DAPK1: variants seen among roughly 807,000 people sequenced by gnomAD.
DAPK1 encodes death associated protein kinase 1, also known as death-associated protein kinase 1.
Under a neutral mutation model 144.9 loss-of-function variants are expected in DAPK1, and 56 were observed. That is an observed-to-expected ratio of 0.39 (90% confidence interval 0.31 to 0.48). DAPK1 has a LOEUF of 0.48. Among genes scored for constraint, DAPK1 ranks in the 20% least tolerant of loss-of-function variants. The pLI is 0.95. For synonymous variants in DAPK1, 690 were observed against 749.0 expected (o/e 0.92, Z 1.29); for missense variants, 1,454 against 1,875.4 (o/e 0.78, Z 4.15).
intron 2 of DAPK1, among the ~76,000 whole-genome samples, chr9:87,598,708 C>G (rs1260154447): frequency 1.3e-5 from 2 of 152,120 alleles, no homozygotes; most frequent in South Asian, 4.2e-4. Flanking sequence ...GTGAACAGAG[C>G]CTCCCACAAA....
intron 3 of DAPK1, among the ~76,000 whole-genome samples, chr9:87,606,928 T>C (rs969083662): frequency 3.3e-5 from 5 of 151,552 alleles, no homozygotes; most frequent in African/African-American, 1.2e-4. Context: ...GTAGAATGTT[T>C]AGCAGCATCT....
At chr9:87,568,775 A>G (rs972793814) in intron 2 of DAPK1, among the ~76,000 whole-genome samples, 2 of 152,158 alleles carry the variant, frequency 1.3e-5, no homozygotes, top group Admixed American at 6.5e-5. Context: ...TCTGAGCCAT[A>G]TAGTGTTGGG....
chr9:87,668,941 A>C, intron 19 of DAPK1: 1 of 363,414 alleles, frequency 2.8e-6, no homozygotes, highest in Non-Finnish European at 5.0e-6. Flanking sequence ...TCTATAATAA[A>C]CCACTCCCAC....
chr9:87,620,072 G>C (rs558520188), intron 3 of DAPK1, among the ~76,000 whole-genome samples: 1 of 152,156 alleles, frequency 6.6e-6, no homozygotes, highest in African/African-American at 2.4e-5. Context: ...GGCCTCTGGT[G>C]GGGGCAGATC....
intron 2 of DAPK1, 93 bp downstream of exon 2, chr9:87,499,232 C>A: frequency 1.8e-6 from 2 of 1,119,920 alleles, no homozygotes; most frequent in Non-Finnish European, 2.7e-6. Context: ...TTGAATCAGG[C>A]GTCTCCCTCG....
At chr9:87,631,174 T>C (rs1587788975) in intron 3 of DAPK1, among the ~76,000 whole-genome samples, 1 of 152,272 alleles carries the variant, frequency 6.6e-6, no homozygotes, top group Middle Eastern at 3.4e-3. Context: ...GCCTTGAAAT[T>C]GGCCTCATGG....
At chr9:87,678,611 A>G (rs1473148023) in intron 19 of DAPK1, among the ~76,000 whole-genome samples, 1 of 152,246 alleles carries the variant, frequency 6.6e-6, no homozygotes, top group Non-Finnish European at 1.5e-5. Context: ...TATATATTAA[A>G]TACTGCCCCC....
chr9:87,649,535 G>A (rs757460868), intron 15 of DAPK1, among the ~76,000 whole-genome samples: 8 of 152,216 alleles, frequency 5.3e-5, no homozygotes, highest in Non-Finnish European at 1.2e-4. Context: ...TTCAGATAAA[G>A]TCAGCGAGGC....
intron 19 of DAPK1, among the ~76,000 whole-genome samples, chr9:87,669,700 G>C (rs572460928): frequency 2.0e-5 from 3 of 152,072 alleles, no homozygotes; most frequent in East Asian, 3.9e-4. Context: ...AAGTGCTGAG[G>C]TCATAACCTT....
At chr9:87,553,083 A>G (rs1204186222) in intron 2 of DAPK1, among the ~76,000 whole-genome samples, 5 of 151,958 alleles carry the variant, frequency 3.3e-5, no homozygotes, top group Admixed American at 2.0e-4. Flanking sequence ...TTACCTTTCT[A>G]CTTTCTGTCT....
At chr9:87,633,037 A>T in intron 3 of DAPK1, 6 of 981,332 alleles carry the variant, frequency 6.1e-6, no homozygotes, top group Non-Finnish European at 7.3e-6. Context: ...TGTAGGGATG[A>T]AGGAGGATGA....
At position 87,706,519 on chromosome 9, in the gene DAPK1, G is replaced by A; in HGVS notation, c.3448G>A (p.Val1150Met). The A allele has an allele frequency of 6.2e-7, 1 of 1,614,182 alleles. No individual in the cohort carries two copies. The change falls in exon 26 of 26, where the codon GTG (valine) becomes ATG (methionine). Residue 1150 changes from valine (V) to methionine (M), a missense_variant. Val to Met is a conservative substitution (Grantham distance 21). This residue lies in a region of DAPK1 where 1,025 missense variants were observed against 1,237.9 expected (regional missense o/e 0.83). Transcript: ENST00000408954. This position sits in a 1 kb window ranked among gnomAD's most constrained non-coding sequence, Gnocchi z 9.0. ...FPCGIFHKVQ[V>M]NLCRWIHQQS... ...ATGTGGCATCTTTCACAAGGTCCAGGTGAACCTGTGCCGGTGGATCCACCA... is the reference window on the plus strand; with the variant it reads ...ATGTGGCATCTTTCACAAGGTCCAGATGAACCTGTGCCGGTGGATCCACCA...
intron 2 of DAPK1, among the ~76,000 whole-genome samples, chr9:87,510,065 C>T (rs1329607818): frequency 6.6e-6 from 1 of 152,214 alleles, no homozygotes; most frequent in Non-Finnish European, 1.5e-5. Context: ...TACATACAGC[C>T]TCAGGCATCC....
chr9:87,698,624 A>AC (rs775645053), intron 22 of DAPK1, 32 bp from the exon 23 acceptor site: 6 of 1,525,054 alleles, frequency 3.9e-6, no homozygotes, highest in South Asian at 1.1e-5. Context: ...AGGAGGACCC[A>AC]CCCCCTGAAG....
At chr9:87,515,367 T>C (rs1251122466) in intron 2 of DAPK1, among the ~76,000 whole-genome samples, 3 of 152,230 alleles carry the variant, frequency 2.0e-5, no homozygotes, top group Non-Finnish European at 2.9e-5. Flanking sequence ...CTCTGTTTTA[T>C]TGATGAATAA....
intron 1 of DAPK1, chr9:87,498,693 C>G: frequency 2.5e-6 from 1 of 402,040 alleles, no homozygotes; most frequent in East Asian, 3.5e-5. Flanking sequence ...AGGCCAGTCA[C>G]TTCCGGAGCC....
chr9:87,556,642 G>C (rs1304879437), intron 2 of DAPK1, among the ~76,000 whole-genome samples: 1 of 152,158 alleles, frequency 6.6e-6, no homozygotes, highest in Admixed American at 6.5e-5. Context: ...CACAGAGCAG[G>C]GTTTGGTCTC....
chr9:87,667,397 C>A (rs1234046243), intron 18 of DAPK1, among the ~76,000 whole-genome samples: 1 of 152,190 alleles, frequency 6.6e-6, no homozygotes, highest in East Asian at 1.9e-4. Flanking sequence ...ATTGCCAATG[C>A]CTATTTGGTT....
intron 3 of DAPK1, among the ~76,000 whole-genome samples, chr9:87,636,015 C>A (rs78177938): frequency 1.3e-5 from 2 of 152,242 alleles, no homozygotes; most frequent in African/African-American, 4.8e-5. Flanking sequence ...TTTCTCTCCC[C>A]GTTGTTTGTT....
Sources: allele counts gnomAD v4.1 joint callset (sites outside exome capture counted in the v4.1 genomes callset), GRCh38; gene constraint gnomAD v4.1.1; regional missense constraint gnomAD v4.1.1; non-coding constraint Gnocchi (gnomAD v3.1); transcripts MANE v1.5; gene names NCBI Gene and HGNC (gene_info 2026-07-23, HGNC 2026-07-21).